Variants in DCUN1D3 observed in about 807,000 individuals in gnomAD.
DCUN1D3 encodes the protein defective in cullin neddylation 1 domain containing 3, also known as DCN1-like protein 3.
In DCUN1D3, 6 loss-of-function variants were observed where a neutral mutation model predicts 24.8. The ratio of observed to expected loss-of-function variants is 0.24; its 90% CI spans 0.13 to 0.48. DCUN1D3 has a LOEUF of 0.48. DCUN1D3 is among the 20% of genes least tolerant of loss of function. The pLI, the probability that DCUN1D3 is intolerant of heterozygous loss-of-function variation, is 0.99. For missense variants in DCUN1D3, 258 were observed against 379.4 expected (o/e 0.68, Z 2.66); for synonymous variants, 120 against 144.9 (o/e 0.83, Z 1.24).
chr16:20,867,831 G>A (rs1166138748), intron 1 of DCUN1D3, among the ~76,000 whole-genome samples: 2 of 152,186 alleles, frequency 1.3e-5, no homozygotes, highest in Non-Finnish European at 2.9e-5. Flanking sequence ...CTGGCCCAGG[G>A]CTTGTTCCAA....
rs960559038 is a variant in DCUN1D3, at chr16:20,855,663, C to T, written c.*4223G>A. 2.0e-5 allele frequency: 3 copies of T among 152,172 alleles called. No individual in the cohort carries two copies. Among genetic ancestry groups the T allele is most frequent in the African/African-American group, 7.2e-5 (3 of 41,424 alleles). 9.4% of individuals were successfully genotyped at this position (152,172 alleles called of 1,614,324 possible). A position where few individuals can be genotyped will look rare whatever the true frequency, so the allele number is the denominator to read the frequency against. On this transcript the variant is annotated 3_prime_UTR_variant, in exon 3 of 3. Coordinates refer to ENST00000324344, the MANE Select transcript of DCUN1D3 (RefSeq NM_173475.4). ...TTTCGAAAAGGGGGAAAACCCCTGCCGATCCTCACCAACATGCAGTCCCAG... is the reference window on the plus strand; with the variant it reads ...TTTCGAAAAGGGGGAAAACCCCTGCTGATCCTCACCAACATGCAGTCCCAG...
chr16:20,895,164 C>T (rs1475994345), intron 1 of DCUN1D3, among the ~76,000 whole-genome samples: 4 of 152,296 alleles, frequency 2.6e-5, no homozygotes, highest in Non-Finnish European at 2.9e-5. Context: ...AGCTCCATCA[C>T]GGCTACTACA....
intron 1 of DCUN1D3, among the ~76,000 whole-genome samples, chr16:20,865,079 C>G (rs1055885552): frequency 6.6e-6 from 1 of 151,626 alleles, no homozygotes; most frequent in African/African-American, 2.4e-5. Context: ...ATATGTACAA[C>G]AAACCCCCAT....
chr16:20,878,356 T>C (rs766447175), intron 1 of DCUN1D3, among the ~76,000 whole-genome samples: 9 of 152,198 alleles, frequency 5.9e-5, no homozygotes, highest in Admixed American at 2.0e-4. Flanking sequence ...ATGTTCAACC[T>C]GTCATGTCTC....
intron 1 of DCUN1D3, among the ~76,000 whole-genome samples, chr16:20,885,755 A>C (rs2081865532): frequency 6.6e-6 from 1 of 152,172 alleles, no homozygotes; most frequent in South Asian, 2.1e-4. Context: ...TGAGATTTTA[A>C]ATACTGCCTG....
chr16:20,895,842 C>T (rs561134854), intron 1 of DCUN1D3, among the ~76,000 whole-genome samples: 5 of 152,240 alleles, frequency 3.3e-5, no homozygotes, highest in African/African-American at 4.8e-5. Context: ...TATCAAGACC[C>T]GGGAAAACAG....
chr16:20,886,908 A>C (rs1376777233), intron 1 of DCUN1D3, among the ~76,000 whole-genome samples: 1 of 152,228 alleles, frequency 6.6e-6, no homozygotes, highest in Non-Finnish European at 1.5e-5. Context: ...CTGGAAACTA[A>C]ATTGGTTGCA....
At chr16:20,870,968 T>C (rs2081785596) in intron 1 of DCUN1D3, among the ~76,000 whole-genome samples, 1 of 152,172 alleles carries the variant, frequency 6.6e-6, no homozygotes, top group Admixed American at 6.5e-5. Context: ...AGGAGCCCCT[T>C]GATCCCACCT....
In DCUN1D3 at chr16:20,862,341, G is replaced by A. The variant is rs1198004769; in HGVS notation, c.198C>T (p.Cys66=). ...TKKAEAATEA[C]QLPTSSGDAG... The stretch of plus-strand genomic sequence containing the variant: ...CATCTCCCGAGGACGTTGGCAGCTG[G>A]CAGGCCTCAGTGGCAGCCTCGGCCT... Residue 66 remains cysteine (C), a synonymous_variant, in exon 2 of 3, where the codon TGC becomes TGT. Coordinates refer to ENST00000324344, the MANE Select transcript of DCUN1D3 (RefSeq NM_173475.4). 6.2e-7 allele frequency: 1 copy of A among 1,614,094 alleles called. No individual in the cohort carries two copies. Among genetic ancestry groups the A allele is most frequent in the Admixed American group, 1.7e-5 (1 of 60,008 alleles).
chr16:20,895,831 T>C (rs1347515637), intron 1 of DCUN1D3, among the ~76,000 whole-genome samples: 1 of 152,182 alleles, frequency 6.6e-6, no homozygotes, highest in Non-Finnish European at 1.5e-5. Context: ...TAATTTTAAG[T>C]TATCAAGACC....
intron 1 of DCUN1D3, among the ~76,000 whole-genome samples, chr16:20,870,861 A>G (rs1300117847): frequency 6.6e-6 from 1 of 152,230 alleles, no homozygotes; most frequent in Admixed American, 6.5e-5. Flanking sequence ...GCCAGAGAAC[A>G]TAAGTACATG....
rs1283734574 is a variant in DCUN1D3 at position 20,856,385 on chromosome 16, C to T, written c.*3501G>A. On this transcript the variant is annotated 3_prime_UTR_variant, in exon 3 of 3. Transcript: ENST00000324344. ...ACTACTATGGGACTCCATTTTGGCA[C>T]CAGCCCCTAGAGACCAGTACTGCTT... The T allele has an allele frequency of 6.6e-6, 1 of 152,202 alleles. No homozygotes were observed. Among genetic ancestry groups the T allele is most frequent in the African/African-American group, 2.4e-5 (1 of 41,442 alleles). 9.4% of individuals were successfully genotyped at this position (152,202 alleles called of 1,614,324 possible).
At chr16:20,861,501 C>T (rs1381908765) in intron 2 of DCUN1D3, among the ~76,000 whole-genome samples, 3 of 152,132 alleles carry the variant, frequency 2.0e-5, no homozygotes, top group Non-Finnish European at 4.4e-5. Context: ...TATATTGGTA[C>T]TCACAGTGCC....
At chr16:20,868,677 G>A (rs1460667012) in intron 1 of DCUN1D3, among the ~76,000 whole-genome samples, 2 of 152,134 alleles carry the variant, frequency 1.3e-5, no homozygotes, top group Non-Finnish European at 2.9e-5. Context: ...CTCTTTTCAG[G>A]AGCCAGCCCA....
intron 1 of DCUN1D3, among the ~76,000 whole-genome samples, chr16:20,882,117 G>A (rs1056151315): frequency 3.3e-5 from 5 of 150,922 alleles, no homozygotes; most frequent in Non-Finnish European, 7.4e-5. Flanking sequence ...TATACACACT[G>A]TTACCACTGC....
chr16:20,878,176 A>G (rs1312802789), intron 1 of DCUN1D3, among the ~76,000 whole-genome samples: 1 of 152,120 alleles, frequency 6.6e-6, no homozygotes, highest in Non-Finnish European at 1.5e-5. Context: ...GAAAGAGAGG[A>G]GAGGATTATC....
chr16:20,880,704 T>C (rs1297563693), intron 1 of DCUN1D3, among the ~76,000 whole-genome samples: 1 of 126,150 alleles, frequency 7.9e-6, no homozygotes. Context: ...AAATGGAAAA[T>C]AAGCACCTAC....
chr16:20,893,746 T>C (rs2081902908), intron 1 of DCUN1D3, among the ~76,000 whole-genome samples: 1 of 152,208 alleles, frequency 6.6e-6, no homozygotes, highest in Non-Finnish European at 1.5e-5. Context: ...GCTAAGATTC[T>C]GCAAGGGTCT....
intron 1 of DCUN1D3, among the ~76,000 whole-genome samples, chr16:20,864,430 C>T (rs2081750121): frequency 6.6e-6 from 1 of 151,234 alleles, no homozygotes; most frequent in Non-Finnish European, 1.5e-5. Context: ...AAATCAAAAC[C>T]ACAATGAGAT....
Sources: gnomAD v4.1 joint callset for allele counts (sites outside exome capture counted in the v4.1 genomes callset) on GRCh38, gnomAD v4.1.1 for gene constraint, MANE v1.5 for transcripts, NCBI Gene and HGNC (gene_info 2026-07-23, HGNC 2026-07-21) for gene names.